RAD51B: variants seen among roughly 807,000 people sequenced by gnomAD.
RAD51B encodes RAD51 paralog B, also known as DNA repair protein RAD51 homolog 2.
Under a neutral mutation model 42.2 loss-of-function variants are expected in RAD51B, and 38 were observed. That is an observed-to-expected ratio of 0.90 (90% CI 0.70 to 1.18). The LOEUF (loss-of-function observed/expected upper bound fraction) is 1.18, where lower values mean the gene tolerates loss of function less well. Among genes scored for constraint, RAD51B ranks in the 50% most tolerant of loss-of-function variants. The pLI is 0.00. For synonymous variants in RAD51B, 154 were observed against 145.2 expected (o/e 1.06, Z -0.43); for missense variants, 373 against 400.7 (o/e 0.93, Z 0.59).
chr14:68,041,033 G>A (rs143586553), intron 7 of RAD51B, among the ~76,000 whole-genome samples: 1 of 152,152 alleles, frequency 6.6e-6, no homozygotes, highest in Admixed American at 6.5e-5. Context: ...CAGTGTTGTG[G>A]GAGGGACCTG....
chr14:68,232,074 A>G (rs760461625), intron 7 of RAD51B, among the ~76,000 whole-genome samples: 1 of 148,718 alleles, frequency 6.7e-6, no homozygotes, highest in Non-Finnish European at 1.5e-5. Flanking sequence ...TAGAGTCATC[A>G]CTCGTAGAGA....
intron 8 of RAD51B, among the ~76,000 whole-genome samples, chr14:68,335,367 AT>A (rs1385137375): frequency 2.6e-5 from 4 of 151,790 alleles, no homozygotes; most frequent in African/African-American, 9.7e-5. Flanking sequence ...ACTTTTCTGC[AT>A]TTACATTTTT....
At chr14:68,509,492 T>A (rs765911937) in intron 10 of RAD51B, among the ~76,000 whole-genome samples, 1 of 152,166 alleles carries the variant, frequency 6.6e-6, no homozygotes, top group Non-Finnish European at 1.5e-5. Flanking sequence ...CTTCACTGAG[T>A]GGTATGGTTG....
chr14:68,225,699 A>G (rs2080023341), intron 7 of RAD51B, among the ~76,000 whole-genome samples: 1 of 152,222 alleles, frequency 6.6e-6, no homozygotes, highest in Non-Finnish European at 1.5e-5. Flanking sequence ...ATTTAAAGAA[A>G]CTGGGATTAG....
At chr14:68,484,291 G>C (rs997516741) in intron 10 of RAD51B, among the ~76,000 whole-genome samples, 1 of 151,700 alleles carries the variant, frequency 6.6e-6, no homozygotes, top group African/African-American at 2.4e-5. Context: ...CAATAATTCA[G>C]CTTTCAACCT....
chr14:68,501,395 A>G (rs1272664332), intron 10 of RAD51B, among the ~76,000 whole-genome samples: 2 of 152,220 alleles, frequency 1.3e-5, no homozygotes, highest in Non-Finnish European at 2.9e-5. Flanking sequence ...TGAGGAAACC[A>G]AAGGGCAACG....
intron 5 of RAD51B, among the ~76,000 whole-genome samples, chr14:67,868,292 A>G (rs538191019): frequency 5.9e-5 from 9 of 152,292 alleles, no homozygotes; most frequent in African/African-American, 2.2e-4. Flanking sequence ...GGGGTCAGGG[A>G]GTTCCCTTTC....
At chr14:68,528,154 A>C (rs925572632) in intron 10 of RAD51B, among the ~76,000 whole-genome samples, 6 of 152,200 alleles carry the variant, frequency 3.9e-5, no homozygotes, top group Non-Finnish European at 7.4e-5. Flanking sequence ...CGTACCATAC[A>C]TCCTGAATGG....
intron 7 of RAD51B, among the ~76,000 whole-genome samples, chr14:67,986,096 C>T (rs773051659): frequency 6.6e-6 from 1 of 152,120 alleles, no homozygotes; most frequent in Non-Finnish European, 1.5e-5. Flanking sequence ...TGCTATGGTG[C>T]TGTGTGCGCA....
intron 10 of RAD51B, among the ~76,000 whole-genome samples, chr14:68,469,457 G>A (rs1277517195): frequency 6.6e-6 from 1 of 152,212 alleles, no homozygotes; most frequent in Non-Finnish European, 1.5e-5. Flanking sequence ...CACGAAATTT[G>A]GGGTGAGAAC....
chr14:68,261,391 G>C (rs2080886163), intron 7 of RAD51B, among the ~76,000 whole-genome samples: 1 of 152,210 alleles, frequency 6.6e-6, no homozygotes, highest in Non-Finnish European at 1.5e-5. Flanking sequence ...GAGCCCTTAA[G>C]CCTATTTAGA....
intron 7 of RAD51B, among the ~76,000 whole-genome samples, chr14:68,156,373 T>G (rs2078505326): frequency 6.6e-6 from 1 of 152,170 alleles, no homozygotes; most frequent in Admixed American, 6.5e-5. Flanking sequence ...TGCCTTTTTG[T>G]GTGGAAGGTT....
At chr14:68,343,098 T>C (rs2082604257) in intron 8 of RAD51B, among the ~76,000 whole-genome samples, 1 of 132,226 alleles carries the variant, frequency 7.6e-6, no homozygotes, top group African/African-American at 2.5e-5. Context: ...TAAATAAAAC[T>C]AATTAAGATA....
At chr14:68,009,129 A>G (rs1177873398) in intron 7 of RAD51B, among the ~76,000 whole-genome samples, 2 of 151,972 alleles carry the variant, frequency 1.3e-5, no homozygotes, top group Admixed American at 6.6e-5. Context: ...TTTTAATATT[A>G]TATCTACGGT....
At chr14:68,642,072 A>G (rs10151145) in intron 10 of RAD51B, among the ~76,000 whole-genome samples, 34,206 of 152,052 alleles carry the variant, frequency 0.22, 4,165 homozygotes, top group African/African-American at 0.27. Flanking sequence ...TTCTTTTCTT[A>G]TAATGTCTTT....
chr14:68,005,430 G>A (rs1205544844), intron 7 of RAD51B, among the ~76,000 whole-genome samples: 1 of 152,102 alleles, frequency 6.6e-6, no homozygotes, highest in African/African-American at 2.4e-5. Context: ...CATTTTGGTG[G>A]ACTTATTTGC....
intron 8 of RAD51B, among the ~76,000 whole-genome samples, chr14:68,342,321 A>G (rs1367655904): frequency 1.3e-5 from 2 of 152,202 alleles, no homozygotes; most frequent in Non-Finnish European, 2.9e-5. Context: ...TTCAGGGGGA[A>G]AGTCTTTGTT....
chr14:68,005,311 C>T (rs970661107), intron 7 of RAD51B, among the ~76,000 whole-genome samples: 3 of 152,038 alleles, frequency 2.0e-5, no homozygotes, highest in African/African-American at 7.3e-5. Flanking sequence ...CTCGACCTCC[C>T]AAAGTGCTGG....
chr14:68,184,614 A>C lies in RAD51B; in HGVS notation c.757-107270A>C, dbSNP rs1199114251. 1.5e-3 allele frequency among the ~76,000 whole-genome samples: 88 copies of C among 59,530 alleles called. 1 individual carries two copies. Among genetic ancestry groups the C allele is most frequent in the African/African-American group, 3.9e-3 (84 of 21,302 alleles). The allele number at this position is 59,530 out of a possible 152,430, so 39.1% of individuals were successfully genotyped here. A position where few individuals can be genotyped will look rare whatever the true frequency, so the allele number is the denominator to read the frequency against. On this transcript the variant is annotated intron_variant, in intron 7 of 10. Coordinates refer to ENST00000471583, the MANE Select transcript of RAD51B (RefSeq NM_133510.4). ...GATAGAGCAAGGCCCTGTCTAAAAA[A>C]AAAAAAAAACCAAAAAAAAAAACAG...
Sources: gnomAD v4.1 joint callset for allele counts (sites outside exome capture counted in the v4.1 genomes callset) on GRCh38, gnomAD v4.1.1 for gene constraint, MANE v1.5 for transcripts, NCBI Gene and HGNC (gene_info 2026-07-23, HGNC 2026-07-21) for gene names.